TRAPPC9: variants seen among roughly 807,000 people sequenced by gnomAD.
TRAPPC9 encodes the protein IKK2 binding protein.
A neutral mutation model predicts 124.0 loss-of-function variants in TRAPPC9; 83 were observed. The observed-to-expected ratio is 0.67, with a 90% CI of 0.56 to 0.80. TRAPPC9 has a LOEUF of 0.80. TRAPPC9 is among the 30% of genes least tolerant of loss of function. The pLI is 0.00. For synonymous variants in TRAPPC9, 638 were observed against 617.5 expected, an observed-to-expected ratio of 1.03 and a Z score of -0.49; for missense variants, 1,302 against 1,508.3, an observed-to-expected ratio of 0.86 and a Z score of 2.27.
intron 7 of TRAPPC9, among the ~76,000 whole-genome samples, chr8:140,379,110 T>C (rs1230784094): frequency 1.3e-5 from 2 of 152,314 alleles, no homozygotes; most frequent in East Asian, 3.9e-4. Flanking sequence ...GACTTTTTTT[T>C]TTTTTCATTA....
At chr8:139,789,530 C>T (rs1822507791) in intron 21 of TRAPPC9, among the ~76,000 whole-genome samples, 1 of 152,146 alleles carries the variant, frequency 6.6e-6, no homozygotes, top group Non-Finnish European at 1.5e-5. Flanking sequence ...CAGGGAGGGG[C>T]GAGTGCCTCT....
intron 21 of TRAPPC9, among the ~76,000 whole-genome samples, chr8:139,764,102 A>C (rs1820419821): frequency 6.6e-6 from 1 of 152,172 alleles, no homozygotes; most frequent in African/African-American, 2.4e-5. Context: ...AGTGATGGCA[A>C]GTACGGTGAG....
intron 21 of TRAPPC9, among the ~76,000 whole-genome samples, chr8:139,839,816 G>A (rs1486911185): frequency 1.3e-5 from 2 of 152,128 alleles, no homozygotes; most frequent in Admixed American, 1.3e-4. Context: ...GGCCTATTCC[G>A]GAGACAGAAA....
intron 5 of TRAPPC9, among the ~76,000 whole-genome samples, chr8:140,407,626 G>C (rs1468620431): frequency 6.6e-6 from 1 of 152,130 alleles, no homozygotes; most frequent in African/African-American, 2.4e-5. Context: ...CTTTGAAACA[G>C]AGTCTCTCTC....
At chr8:140,335,997 C>T (rs573414257) in intron 9 of TRAPPC9, among the ~76,000 whole-genome samples, 9 of 152,192 alleles carry the variant, frequency 5.9e-5, no homozygotes, top group African/African-American at 1.7e-4. Flanking sequence ...TGCAAGCCAC[C>T]GCACCTGGCC....
chr8:140,162,329 C>A (rs1033330830), intron 17 of TRAPPC9, among the ~76,000 whole-genome samples: 1 of 152,158 alleles, frequency 6.6e-6, no homozygotes, highest in Admixed American at 6.5e-5. Context: ...CAAACCAGCA[C>A]GTGGTGTCAG....
intron 17 of TRAPPC9, among the ~76,000 whole-genome samples, chr8:140,054,971 T>C (rs1842215563): frequency 6.6e-6 from 1 of 152,112 alleles, no homozygotes; most frequent in Admixed American, 6.5e-5. Context: ...GTCAAACATT[T>C]AAAGAATTAA....
intron 21 of TRAPPC9, among the ~76,000 whole-genome samples, chr8:139,870,807 TA>T (rs1400619237): frequency 6.6e-6 from 1 of 152,236 alleles, no homozygotes; most frequent in Non-Finnish European, 1.5e-5. Flanking sequence ...TCTTACCTCC[TA>T]AATTCTGAAG....
At chr8:139,976,821 C>T (rs1836508985) in intron 19 of TRAPPC9, among the ~76,000 whole-genome samples, 1 of 152,218 alleles carries the variant, frequency 6.6e-6, no homozygotes, top group Non-Finnish European at 1.5e-5. Flanking sequence ...TACTCACAGG[C>T]ACCTGGAAGG....
chr8:139,773,094 G>T (rs765547600), intron 21 of TRAPPC9, among the ~76,000 whole-genome samples: 3 of 152,230 alleles, frequency 2.0e-5, no homozygotes, highest in Non-Finnish European at 4.4e-5. Context: ...AGTGGCTGTG[G>T]GTCCCGTGGC....
At chr8:139,810,892 T>C (rs1824397084) in intron 21 of TRAPPC9, among the ~76,000 whole-genome samples, 1 of 152,198 alleles carries the variant, frequency 6.6e-6, no homozygotes, top group African/African-American at 2.4e-5. Flanking sequence ...CCATGCTTCC[T>C]GTCCGTGAAG....
intron 21 of TRAPPC9, among the ~76,000 whole-genome samples, chr8:139,877,745 T>G (rs1173158757): frequency 6.6e-6 from 1 of 152,104 alleles, no homozygotes; most frequent in Admixed American, 6.5e-5. Context: ...GCTCCAAGCC[T>G]GAGGAACATG....
At chr8:140,199,703 T>C (rs1036434578) in intron 17 of TRAPPC9, among the ~76,000 whole-genome samples, 5 of 152,182 alleles carry the variant, frequency 3.3e-5, no homozygotes, top group East Asian at 3.8e-4. Context: ...CCACAATCTA[T>C]ATCCACAGAT....
At chr8:140,077,952 T>C (rs867190759) in intron 17 of TRAPPC9, among the ~76,000 whole-genome samples, 36 of 152,054 alleles carry the variant, frequency 2.4e-4, no homozygotes, top group Middle Eastern at 3.4e-3. Flanking sequence ...CCTCAGAAAA[T>C]GGAGAACTTT....
At chr8:140,085,190 C>T (rs1259727002) in intron 17 of TRAPPC9, among the ~76,000 whole-genome samples, 3 of 152,170 alleles carry the variant, frequency 2.0e-5, no homozygotes, top group African/African-American at 7.2e-5. Context: ...ACAGTCTCTC[C>T]TGCTGTAGTT....
intron 21 of TRAPPC9, among the ~76,000 whole-genome samples, chr8:139,785,844 T>G (rs760406817): frequency 1.8e-4 from 28 of 152,306 alleles, no homozygotes; most frequent in Non-Finnish European, 3.5e-4. Flanking sequence ...AATATGTACT[T>G]GCAAATCATC....
chr8:139,832,262 G>A (rs1826043265), intron 21 of TRAPPC9, among the ~76,000 whole-genome samples: 1 of 152,232 alleles, frequency 6.6e-6, no homozygotes, highest in Non-Finnish European at 1.5e-5. Context: ...TGGCCTTCCA[G>A]TAAAAATAGC....
At chr8:139,856,258 T>C (rs1161313734) in intron 21 of TRAPPC9, among the ~76,000 whole-genome samples, 1 of 152,018 alleles carries the variant, frequency 6.6e-6, no homozygotes, top group Non-Finnish European at 1.5e-5. Flanking sequence ...GGGCTGCAGG[T>C]TGGGGACTGA....
intron 17 of TRAPPC9, among the ~76,000 whole-genome samples, chr8:140,114,230 G>A (rs936838463): frequency 6.8e-6 from 1 of 146,972 alleles, no homozygotes; most frequent in African/African-American, 2.5e-5. Flanking sequence ...CATTTGAGGA[G>A]TAAATGGAAC....
Sources: allele counts gnomAD v4.1 joint callset (sites outside exome capture counted in the v4.1 genomes callset), GRCh38; gene constraint gnomAD v4.1.1; transcripts MANE v1.5; gene names NCBI Gene and HGNC (gene_info 2026-07-23, HGNC 2026-07-21).